The following SHCBP1L variants were observed in gnomAD, a reference collection of about 807,000 sequenced individuals.
SHCBP1L encodes testicular spindle-associated protein SHCBP1L.
Under a neutral mutation model 62.5 loss-of-function variants are expected in SHCBP1L, and 67 were observed. The ratio of observed to expected loss-of-function variants is 1.07; its 90% confidence interval spans 0.88 to 1.31. The LOEUF is 1.31. SHCBP1L is among the 40% of genes most tolerant of loss of function. SHCBP1L has a pLI of 0.00. For synonymous variants in SHCBP1L, 284 were observed against 289.4 expected, an observed-to-expected ratio of 0.98 and a Z score of 0.19; for missense variants, 823 against 809.8, an observed-to-expected ratio of 1.02 and a Z score of -0.20.
chr1:182,943,615 T>G (rs1651452639), intron 2 of SHCBP1L, among the ~76,000 whole-genome samples: 1 of 151,318 alleles, frequency 6.6e-6, no homozygotes, highest in Non-Finnish European at 1.5e-5. Context: ...GCCTGGCTAA[T>G]TATTGTATTT....
intron 6 of SHCBP1L, among the ~76,000 whole-genome samples, chr1:182,917,435 G>A (rs1157327250): frequency 1.3e-5 from 2 of 152,136 alleles, no homozygotes; most frequent in African/African-American, 2.4e-5. Context: ...GTAGAGGTGG[G>A]GTTTCATCAT....
At chr1:182,942,492 T>C (rs2101954450) in intron 2 of SHCBP1L, 1 of 632,354 alleles carries the variant, frequency 1.6e-6, no homozygotes, top group South Asian at 1.8e-5. Flanking sequence ...CCGCTGCCAC[T>C]CCTCCCGCCG....
chr1:182,905,792 T>TC (rs1331205944), intron 6 of SHCBP1L, 143 bp from the exon 7 acceptor site: 5 of 729,360 alleles, frequency 6.9e-6, no homozygotes, highest in Non-Finnish European at 1.1e-5. Flanking sequence ...GCTCAAAGTA[T>TC]CAGTTCATCG....
intron 5 of SHCBP1L, among the ~76,000 whole-genome samples, chr1:182,936,675 C>G (rs2101948546): frequency 6.6e-6 from 1 of 152,150 alleles, no homozygotes; most frequent in Middle Eastern, 3.4e-3. Flanking sequence ...TCATTTATTT[C>G]AGTAATCCAT....
intron 6 of SHCBP1L, among the ~76,000 whole-genome samples, chr1:182,924,716 GA>G (rs1184438630): frequency 6.5e-5 from 3 of 46,460 alleles, no homozygotes; most frequent in Non-Finnish European, 1.0e-4. Flanking sequence ...AAGAAAGAAA[GA>G]AAGAAAGAAA....
intron 6 of SHCBP1L, among the ~76,000 whole-genome samples, chr1:182,910,309 C>A (rs929772657): frequency 1.3e-5 from 2 of 152,238 alleles, no homozygotes; most frequent in Admixed American, 6.5e-5. Context: ...ATCCCCCAAT[C>A]CCCTGCTCTG....
chr1:182,946,235 TATGA>T (rs1171700331), intron 2 of SHCBP1L, among the ~76,000 whole-genome samples: 6 of 152,114 alleles, frequency 3.9e-5, no homozygotes, highest in African/African-American at 1.4e-4. Context: ...TCTAGAAATT[TATGA>T]CCTTTGGTTC....
chr1:182,918,874 G>A (rs1206508943), intron 6 of SHCBP1L, among the ~76,000 whole-genome samples: 1 of 152,006 alleles, frequency 6.6e-6, no homozygotes, highest in Non-Finnish European at 1.5e-5. Context: ...TTTCAACAAG[G>A]GTTACAAGAT....
chr1:182,953,050 G>T lies in SHCBP1L; in HGVS notation c.84C>A (p.Ser28=). 1 of 1,546,632 alleles carries T rather than the reference G, an allele frequency of 6.5e-7. No individual in the cohort carries two copies. Residue 28 remains serine (S), a synonymous_variant, in exon 1 of 10, where the codon TCC becomes TCA. Transcript: ENST00000367547. Reference sequence around the variant, plus strand: ...CGGCCGCCGTGTCCCCGGAGACAGCGGAGGCGGACTTCTCGCCTCGCCTGT... The same window carrying T: ...CGGCCGCCGTGTCCCCGGAGACAGCTGAGGCGGACTTCTCGCCTCGCCTGT... ...SPDRRGEKSA[S]AVSGDTAAAT...
chr1:182,910,940 A>G (rs1650163817), intron 6 of SHCBP1L, among the ~76,000 whole-genome samples: 2 of 151,796 alleles, frequency 1.3e-5, no homozygotes. Flanking sequence ...CCCAGGCTGG[A>G]GTGCAGTGGG....
chr1:182,945,540 T>C (rs1651535247), intron 2 of SHCBP1L, among the ~76,000 whole-genome samples: 1 of 152,232 alleles, frequency 6.6e-6, no homozygotes, highest in African/African-American at 2.4e-5. Flanking sequence ...TTGAATCTGA[T>C]GTCTTCGTAT....
chr1:182,952,235 TAC>T (rs68031715), intron 1 of SHCBP1L, among the ~76,000 whole-genome samples: 437 of 42,780 alleles, frequency 0.01, 16 homozygotes, highest in East Asian at 0.044. Flanking sequence ...TATATATATA[TAC>T]ACACACACAC....
intron 5 of SHCBP1L, among the ~76,000 whole-genome samples, chr1:182,930,044 G>C (rs1432713222): frequency 2.6e-5 from 4 of 152,092 alleles, no homozygotes; most frequent in Non-Finnish European, 4.4e-5. Flanking sequence ...TTCCAATACA[G>C]TAGAAAAATT....
At chr1:182,902,330 T>C (rs1649871038) in intron 9 of SHCBP1L, among the ~76,000 whole-genome samples, 1 of 152,134 alleles carries the variant, frequency 6.6e-6, no homozygotes, top group Non-Finnish European at 1.5e-5. Context: ...GGATTACAGG[T>C]GTGAGCCACT....
At chr1:182,904,767 T>C (rs1158576715) in intron 7 of SHCBP1L, among the ~76,000 whole-genome samples, 1 of 26,894 alleles carries the variant, frequency 3.7e-5, no homozygotes, top group East Asian at 5.1e-4. Flanking sequence ...AATCTTTTTC[T>C]TTTTTTTTGA....
Position 182,939,195 on chromosome 1 carries a change from A to G in SHCBP1L, c.1057T>C (p.Trp353Arg). 6.2e-7 allele frequency: 1 copy of G among 1,610,510 alleles called. No individual in the cohort carries two copies. The highest frequency in any genetic ancestry group is 8.5e-7 in the Non-Finnish European group (1 of 1,179,006). The change falls in exon 5 of 10, where the codon TGG (tryptophan) becomes CGG (arginine). Residue 353 changes from tryptophan to arginine, a missense_variant. Physicochemically the swap from Trp to Arg is moderately radical, Grantham distance 101. Transcript: ENST00000367547. ...IVMLCGLLKMWEDLRLRVHGP... is the reference protein window; with the variant it reads ...IVMLCGLLKMREDLRLRVHGP... ...TATTACCGGAGGCGTAAATCTTCCC[A>G]CATTTTCAGTAATCCACAGAGCATG...
intron 6 of SHCBP1L, among the ~76,000 whole-genome samples, chr1:182,920,278 C>T (rs1056195948): frequency 2.0e-5 from 3 of 152,098 alleles, no homozygotes; most frequent in Non-Finnish European, 2.9e-5. Context: ...TGGTACCAGC[C>T]CCCCAGGGTT....
intron 3 of SHCBP1L, among the ~76,000 whole-genome samples, 160 bp downstream of exon 3, chr1:182,940,169 T>C (rs1335242648): frequency 6.6e-6 from 1 of 152,186 alleles, no homozygotes; most frequent in African/African-American, 2.4e-5. Flanking sequence ...TACTAAAAGT[T>C]ACAAATACAA....
At chr1:182,934,953 G>A (rs755850068) in intron 5 of SHCBP1L, among the ~76,000 whole-genome samples, 3 of 152,060 alleles carry the variant, frequency 2.0e-5, no homozygotes, top group Admixed American at 2.0e-4. Context: ...CCTTTGTCAA[G>A]TCAGTCTACT....
Sources: allele counts gnomAD v4.1 joint callset (sites outside exome capture counted in the v4.1 genomes callset), GRCh38; gene constraint gnomAD v4.1.1; transcripts MANE v1.5; gene names NCBI Gene and HGNC (gene_info 2026-07-23, HGNC 2026-07-21).